The following DSTYK variants were observed in gnomAD, a reference collection of about 807,000 sequenced individuals.
DSTYK encodes the protein RIP-homologous kinase.
In DSTYK, 34 loss-of-function variants were observed where a neutral mutation model predicts 98.7. The observed-to-expected ratio is 0.34, with a 90% CI of 0.26 to 0.46. The LOEUF is 0.46. DSTYK is among the 20% of genes least tolerant of loss of function. The probability of loss-of-function intolerance (pLI) is 1.00; values close to 1 mark genes in which losing one functional copy is unlikely to be tolerated. For synonymous variants in DSTYK, 462 were observed against 457.3 expected (o/e 1.01, Z -0.13); for missense variants, 962 against 1,181.7 (o/e 0.81, Z 2.73).
chr1:205,170,940 C>G (rs573143207), intron 2 of DSTYK, among the ~76,000 whole-genome samples: 2 of 151,130 alleles, frequency 1.3e-5, no homozygotes, highest in Non-Finnish European at 1.5e-5. Flanking sequence ...GATGATGACA[C>G]CAAAAGAAAG....
Position 205,169,102 on chromosome 1 carries a change from G to T in DSTYK, c.1324+61C>A. 2 of 1,381,784 alleles carry T rather than the reference G, an allele frequency of 1.4e-6. No individual in the cohort carries two copies. The highest frequency in any genetic ancestry group is 9.9e-7 in the Non-Finnish European group (1 of 1,009,474). 85.6% of individuals were successfully genotyped at this position (1,381,784 alleles called of 1,614,324 possible). A position where few individuals can be genotyped will look rare whatever the true frequency, so the allele number is the denominator to read the frequency against. The stretch of plus-strand genomic sequence containing the variant: ...TAGGAATTAACGTTCTTAATTTCCG[G>T]CTAGAAAATGGTTAGAGACTCCTCC... On this transcript the variant is annotated intron_variant, in intron 3 of 12. Transcript: ENST00000367162. This position sits in a 1 kb window ranked among gnomAD's most constrained non-coding sequence, Gnocchi z 4.0.
chr1:205,159,699 T>C lies in DSTYK; in HGVS notation c.2106-20A>G, dbSNP rs534996262. On this transcript the variant is annotated intron_variant, in intron 8 of 12. Coordinates refer to ENST00000367162, the MANE Select transcript of DSTYK (RefSeq NM_015375.3). ...AGAGACCTGGAGGGAAGGAGAGAGA[T>C]CTGGGCTACAAGGCTTGGGCTCTAA... 2.5e-6 allele frequency: 4 copies of C among 1,612,410 alleles called. No homozygotes were observed. The highest frequency in any genetic ancestry group is 2.5e-6 in the Non-Finnish European group (3 of 1,179,854).
intron 3 of DSTYK, among the ~76,000 whole-genome samples, chr1:205,168,586 T>C (rs1450043224): frequency 3.9e-5 from 6 of 152,202 alleles, no homozygotes; most frequent in Non-Finnish European, 7.3e-5. Context: ...TGGAGGTTTA[T>C]ACAGAAGTCA....
intron 10 of DSTYK, among the ~76,000 whole-genome samples, chr1:205,154,782 A>G (rs767322604): frequency 3.9e-5 from 6 of 152,158 alleles, no homozygotes; most frequent in African/African-American, 7.2e-5. Flanking sequence ...CTTTGACCAA[A>G]ATGCTGATAG....
chr1:205,182,333 T>G lies in DSTYK; in HGVS notation c.654+5085A>C, dbSNP rs142674585. On this transcript the variant is annotated intron_variant, in intron 2 of 12. Transcript: ENST00000367162. ...GAATCACTTGAGCCAGAAGTTGCAG[T>G]GAGCCAAGATCGTACCACTGTACTC... Among the ~76,000 whole-genome samples the G allele has an allele frequency of 3.6e-4, 54 of 151,548 alleles. 1 individual carries two copies. The highest frequency in any genetic ancestry group is 1.3e-3 in the African/African-American group (54 of 41,338).
Position 205,182,094 on chromosome 1 carries a change from GAACA to G in DSTYK, c.654+5320_654+5323del, listed in dbSNP as rs574708141. On this transcript the variant is annotated intron_variant, in intron 2 of 12. Transcript: ENST00000367162. ...TTAAAAACAGGTTAGCAAAACAGAC[GAACA>G]AACAAACAAAAACAATTAGTGGCCA... 1.6e-4 allele frequency among the ~76,000 whole-genome samples: 24 copies of G among 151,944 alleles called. No homozygotes were observed. The South Asian group carries it at 4.8e-3, about 30-fold the overall frequency.
intron 1 of DSTYK, among the ~76,000 whole-genome samples, chr1:205,201,028 C>T (rs1043477526): frequency 6.6e-6 from 1 of 152,068 alleles, no homozygotes; most frequent in African/African-American, 2.4e-5. Flanking sequence ...GCCTCAGCCT[C>T]CTGAGTAGCT....
At chr1:205,208,469 A>C (rs1221588209) in intron 1 of DSTYK, among the ~76,000 whole-genome samples, 2 of 152,218 alleles carry the variant, frequency 1.3e-5, no homozygotes, top group Non-Finnish European at 2.9e-5. Flanking sequence ...ATCAACCTAG[A>C]GGCACAGTTC....
chr1:205,145,472 T>C lies in DSTYK; in HGVS notation c.*2086A>G, dbSNP rs1558593975. ...TATTTAAAAGATGGTCATTCTGTCATAGACAACCCTAGAAAATCCCAGCAG... is the reference window on the plus strand; with the variant it reads ...TATTTAAAAGATGGTCATTCTGTCACAGACAACCCTAGAAAATCCCAGCAG... On this transcript the variant is annotated 3_prime_UTR_variant, in exon 13 of 13. Transcript: ENST00000367162. 6.6e-6 allele frequency: 1 copy of C among 151,782 alleles called. No homozygotes were observed. The highest frequency in any genetic ancestry group is 2.4e-5 in the African/African-American group (1 of 41,372). 9.4% of individuals were successfully genotyped at this position (151,782 alleles called of 1,614,324 possible). A position where few individuals can be genotyped will look rare whatever the true frequency, so the allele number is the denominator to read the frequency against.
At chr1:205,187,950 C>T in intron 1 of DSTYK, 144 bp from the exon 2 acceptor site, 1 of 788,668 alleles carries the variant, frequency 1.3e-6, no homozygotes, top group Non-Finnish European at 1.9e-6. Context: ...GGTTGAAGGA[C>T]ATATCAGGGA....
intron 2 of DSTYK, among the ~76,000 whole-genome samples, chr1:205,183,805 G>A (rs925375200): frequency 2.6e-5 from 4 of 152,150 alleles, no homozygotes; most frequent in Non-Finnish European, 5.9e-5. Context: ...GACAGGAGCT[G>A]GGCTGCAGTG....
intron 3 of DSTYK, among the ~76,000 whole-genome samples, chr1:205,166,370 C>T (rs559574163): frequency 3.2e-4 from 49 of 151,848 alleles, no homozygotes; most frequent in African/African-American, 1.0e-3. Flanking sequence ...TCTGGCTCAA[C>T]GCTGGGCACG....
At chr1:205,175,208 C>T (rs930209890) in intron 2 of DSTYK, among the ~76,000 whole-genome samples, 1 of 151,870 alleles carries the variant, frequency 6.6e-6, no homozygotes, top group African/African-American at 2.4e-5. Flanking sequence ...TCACGCCATT[C>T]TCCTGCCTCA....
At chr1:205,200,715 A>G (rs967512352) in intron 1 of DSTYK, among the ~76,000 whole-genome samples, 1 of 152,194 alleles carries the variant, frequency 6.6e-6, no homozygotes, top group Admixed American at 6.5e-5. Context: ...AGAGTCAGGC[A>G]TTAAATAAAG....
intron 4 of DSTYK, 102 bp from the exon 5 acceptor site, chr1:205,163,108 T>C (rs1056886219): frequency 2.0e-6 from 2 of 989,788 alleles, no homozygotes. Flanking sequence ...AGACTCAGGG[T>C]TTCCAAACTT....
At chr1:205,164,750 C>T (rs988790998) in intron 3 of DSTYK, among the ~76,000 whole-genome samples, 2 of 152,052 alleles carry the variant, frequency 1.3e-5, no homozygotes, top group African/African-American at 4.8e-5. Context: ...TGTGAGCCAC[C>T]GTGCCCGGCA....
chr1:205,191,606 G>A (rs1658715630), intron 1 of DSTYK, among the ~76,000 whole-genome samples: 1 of 152,188 alleles, frequency 6.6e-6, no homozygotes, highest in Non-Finnish European at 1.5e-5. Flanking sequence ...TGGTTGGTGT[G>A]GTGGTTTTTA....
chr1:205,173,725 T>C (rs1351122356), intron 2 of DSTYK, among the ~76,000 whole-genome samples: 1 of 148,980 alleles, frequency 6.7e-6, no homozygotes, highest in Non-Finnish European at 1.5e-5. Flanking sequence ...ATACGGTTGT[T>C]TTTTTTTTTT....
chr1:205,153,699 A>ATTTT (rs1558599297), intron 10 of DSTYK, among the ~76,000 whole-genome samples: 1 of 151,270 alleles, frequency 6.6e-6, no homozygotes. Flanking sequence ...TCTGTAACTT[A>ATTTT]CTTTTTGTGT....
Sources: gnomAD v4.1 joint callset for allele counts (sites outside exome capture counted in the v4.1 genomes callset) on GRCh38, gnomAD v4.1.1 for gene constraint, Gnocchi (gnomAD v3.1) non-coding constraint, MANE v1.5 for transcripts, NCBI Gene and HGNC (gene_info 2026-07-23, HGNC 2026-07-21) for gene names.